SLC2A13: variants seen among roughly 807,000 people sequenced by gnomAD.
SLC2A13 encodes the protein solute carrier family 2 member 13, also known as proton myo-inositol cotransporter.
In SLC2A13, 32 loss-of-function variants were observed where a neutral mutation model predicts 64.4. The observed-to-expected ratio is 0.50, with a 90% CI of 0.37 to 0.67. The LOEUF is 0.67. SLC2A13 is among the 30% of genes least tolerant of loss of function. SLC2A13 has a pLI of 0.00. For synonymous variants in SLC2A13, 338 were observed against 327.1 expected (o/e 1.03, Z -0.36); for missense variants, 743 against 829.2 (o/e 0.90, Z 1.28).
chr12:39,782,601 G>T (rs1592132642), intron 7 of SLC2A13, among the ~76,000 whole-genome samples: 1 of 152,070 alleles, frequency 6.6e-6, no homozygotes, highest in Non-Finnish European at 1.5e-5. Flanking sequence ...ACAGTAAATT[G>T]GTACAAGTAG....
chr12:40,002,439 T>C (rs1437657283), intron 3 of SLC2A13, among the ~76,000 whole-genome samples: 4 of 152,180 alleles, frequency 2.6e-5, no homozygotes, highest in Non-Finnish European at 5.9e-5. Context: ...ATGAATTGCC[T>C]ATCACAACTG....
chr12:40,001,985 G>T (rs1360520287), intron 3 of SLC2A13, among the ~76,000 whole-genome samples: 1 of 152,158 alleles, frequency 6.6e-6, no homozygotes, highest in Non-Finnish European at 1.5e-5. Context: ...GCAAATAGAT[G>T]ATTTTATTAA....
chr12:40,006,163 G>T (rs1234459694), intron 3 of SLC2A13, among the ~76,000 whole-genome samples: 1 of 152,102 alleles, frequency 6.6e-6, no homozygotes, highest in African/African-American at 2.4e-5. Flanking sequence ...AATAACGCAG[G>T]ATTAAAATGA....
intron 1 of SLC2A13, among the ~76,000 whole-genome samples, chr12:40,092,663 A>G (rs1240810057): frequency 6.6e-6 from 1 of 152,234 alleles, no homozygotes; most frequent in Non-Finnish European, 1.5e-5. Context: ...AGTGAAATGT[A>G]TTATAGAATC....
chr12:39,784,975 C>T (rs1659458582), intron 7 of SLC2A13, among the ~76,000 whole-genome samples: 2 of 152,172 alleles, frequency 1.3e-5, no homozygotes, highest in Admixed American at 6.6e-5. Flanking sequence ...GTTAAAAGCA[C>T]TCTGTTTTAA....
At chr12:39,962,083 T>A (rs1307209772) in intron 3 of SLC2A13, among the ~76,000 whole-genome samples, 4 of 152,142 alleles carry the variant, frequency 2.6e-5, no homozygotes, top group Non-Finnish European at 5.9e-5. Flanking sequence ...AATAATAGCT[T>A]TGTAACATCA....
intron 7 of SLC2A13, among the ~76,000 whole-genome samples, chr12:39,768,932 A>G (rs1276035823): frequency 1.3e-5 from 2 of 152,068 alleles, no homozygotes; most frequent in East Asian, 3.9e-4. Context: ...AAACACAATA[A>G]AATGAAGTAT....
At chr12:40,073,398 G>C (rs1938039935) in intron 1 of SLC2A13, among the ~76,000 whole-genome samples, 1 of 152,036 alleles carries the variant, frequency 6.6e-6, no homozygotes, top group Non-Finnish European at 1.5e-5. Flanking sequence ...TATATATATA[G>C]ACAAGCACAC....
At chr12:39,833,981 C>T (rs1366588157) in intron 6 of SLC2A13, among the ~76,000 whole-genome samples, 1 of 151,828 alleles carries the variant, frequency 6.6e-6, no homozygotes, top group Admixed American at 6.6e-5. Flanking sequence ...TTCTCTATAT[C>T]CAGAGGCCAA....
chr12:40,044,264 T>A (rs1042965517), intron 2 of SLC2A13, among the ~76,000 whole-genome samples: 1 of 152,138 alleles, frequency 6.6e-6, no homozygotes, highest in Non-Finnish European at 1.5e-5. Flanking sequence ...ACAGAATACA[T>A]AAACCTATAG....
chr12:39,926,395 A>G (rs1238491846), intron 4 of SLC2A13, among the ~76,000 whole-genome samples: 2 of 152,146 alleles, frequency 1.3e-5, no homozygotes, highest in East Asian at 3.8e-4. Context: ...CCAGACTTTT[A>G]TTATAATTTT....
At chr12:40,036,658 A>C (rs946828180) in intron 2 of SLC2A13, among the ~76,000 whole-genome samples, 1 of 152,222 alleles carries the variant, frequency 6.6e-6, no homozygotes, top group African/African-American at 2.4e-5. Context: ...ATCTACTGTT[A>C]CCAGACTGTC....
intron 7 of SLC2A13, among the ~76,000 whole-genome samples, chr12:39,776,111 C>T (rs1940767560): frequency 6.6e-6 from 1 of 152,124 alleles, no homozygotes; most frequent in African/African-American, 2.4e-5. Flanking sequence ...TGCTGTTCCC[C>T]CCTACAATTT....
At position 40,105,922 on chromosome 12, in the gene SLC2A13, CCCGGCTTCCGCT is replaced by C. The variant is rs990560620; in HGVS notation, c.-126_-115del. 4.2e-4 allele frequency: 512 copies of C among 1,222,240 alleles called. 3 individuals carry two copies. The highest frequency in any genetic ancestry group is 8.6e-4 in the Admixed American group (20 of 23,350). The allele number at this position is 1,222,240 out of a possible 1,614,324, so 75.7% of individuals were successfully genotyped here. ...CCGCCGCTGCCGCCGCTTTCTTCCT[CCCGGCTTCCGCT>C]CCGGCTGCCACGGCAGCAGCCGCCG... On this transcript the variant is annotated 5_prime_UTR_variant, in exon 1 of 10. Coordinates refer to ENST00000280871, the MANE Select transcript of SLC2A13 (RefSeq NM_052885.4). This position sits in a 1 kb window ranked among gnomAD's most constrained non-coding sequence, Gnocchi z 4.2.
At chr12:39,895,560 A>ACC (rs1565525879) in intron 4 of SLC2A13, among the ~76,000 whole-genome samples, 1 of 138,752 alleles carries the variant, frequency 7.2e-6, no homozygotes, top group Non-Finnish European at 1.6e-5. Flanking sequence ...ATACACACAC[A>ACC]CACACACGTG....
intron 7 of SLC2A13, among the ~76,000 whole-genome samples, chr12:39,775,136 C>T (rs1940730797): frequency 1.3e-5 from 2 of 152,062 alleles, no homozygotes; most frequent in African/African-American, 2.4e-5. Context: ...ACAAGATTAA[C>T]ATAGATAGAG....
intron 2 of SLC2A13, among the ~76,000 whole-genome samples, chr12:40,033,070 T>C (rs1226663380): frequency 1.3e-5 from 2 of 152,190 alleles, no homozygotes; most frequent in African/African-American, 4.8e-5. Flanking sequence ...AAACATTTAC[T>C]CCCATGATTT....
chr12:39,916,585 T>C (rs1270841303), intron 4 of SLC2A13, among the ~76,000 whole-genome samples: 4 of 152,088 alleles, frequency 2.6e-5, no homozygotes, highest in African/African-American at 9.7e-5. Flanking sequence ...AAAAACACTT[T>C]TAAAATTAAT....
At chr12:39,865,214 C>T (rs1943876738) in intron 5 of SLC2A13, among the ~76,000 whole-genome samples, 1 of 152,160 alleles carries the variant, frequency 6.6e-6, no homozygotes. Context: ...ATTAATGTGA[C>T]AACATTATTG....
Sources: allele counts gnomAD v4.1 joint callset (sites outside exome capture counted in the v4.1 genomes callset), GRCh38; gene constraint gnomAD v4.1.1; non-coding constraint Gnocchi (gnomAD v3.1); transcripts MANE v1.5; gene names NCBI Gene and HGNC (gene_info 2026-07-23, HGNC 2026-07-21).